The following ATM variants were observed in gnomAD, a reference collection of about 807,000 sequenced individuals.
ATM encodes the protein ATM serine/threonine kinase.
In ATM, 308 loss-of-function variants were observed where a neutral mutation model predicts 387.0. The observed-to-expected ratio is 0.80, with a 90% CI of 0.73 to 0.87. ATM has a LOEUF of 0.87. Ranked by LOEUF, ATM falls within the 40% of genes least tolerant of loss-of-function variation. The pLI is 0.00. For missense variants in ATM, 3,312 were observed against 3,560.9 expected (o/e 0.93, Z 1.78); for synonymous variants, 1,156 against 1,187.3 (o/e 0.97, Z 0.54).
rs1170960696 is a variant in ATM, at chr11:108,308,003, C to T, written c.5762+19C>T. 16 of 1,588,004 alleles carry T rather than the reference C, an allele frequency of 1.0e-5. No individual in the cohort carries two copies. Among genetic ancestry groups the T allele is most frequent in the Non-Finnish European group, 1.4e-5 (16 of 1,156,852 alleles). On this transcript the variant is annotated intron_variant, in intron 38 of 62. Coordinates refer to ENST00000675843, the MANE Select transcript of ATM (RefSeq NM_000051.4). Reference sequence around the variant, plus strand: ...AAAAGAGGTAATGTAATGAGTGTTGCTTCTTACGTTTAGGATCTAGAGTGT... The same window carrying T: ...AAAAGAGGTAATGTAATGAGTGTTGTTTCTTACGTTTAGGATCTAGAGTGT...
chr11:108,282,160 C>T (rs2082268014), intron 24 of ATM, among the ~76,000 whole-genome samples: 1 of 151,432 alleles, frequency 6.6e-6, no homozygotes, highest in Admixed American at 6.6e-5. Context: ...CGGAGTCTCG[C>T]TCTGTCGCCC....
chr11:108,334,074 C>T, intron 54 of ATM, 106 bp downstream of exon 54: 2 of 845,798 alleles, frequency 2.4e-6, no homozygotes, highest in Non-Finnish European at 3.9e-6. Flanking sequence ...TAAATATTGG[C>T]AAATTTCATA....
chr11:108,233,024 A>T (rs2079096667), intron 4 of ATM, among the ~76,000 whole-genome samples: 2 of 151,924 alleles, frequency 1.3e-5, no homozygotes, highest in African/African-American at 4.8e-5. Context: ...CACCATGCCC[A>T]GCTAATTTTG....
chr11:108,294,201 A>T (rs2082994642), intron 31 of ATM, among the ~76,000 whole-genome samples: 1 of 152,100 alleles, frequency 6.6e-6, no homozygotes, highest in Non-Finnish European at 1.5e-5. Context: ...TTAACTTTTG[A>T]AAGCATATTT....
Position 108,345,804 on chromosome 11 carries a change from T to G in ATM, c.8480T>G (p.Phe2827Cys), listed in dbSNP as rs121434216. The G allele has an allele frequency of 1.2e-6, 2 of 1,613,914 alleles. No individual in the cohort carries two copies. Among genetic ancestry groups the G allele is most frequent in the South Asian group, 2.2e-5 (2 of 91,072 alleles). The change falls in exon 58 of 63, where the codon TTT becomes TGT. Residue 2827 changes from phenylalanine (F) to cysteine (C), a missense_variant. By Grantham distance (205) the Phe-to-Cys change is radical (BLOSUM62 -2). Around this residue, in one of 4 missense-constraint regions of ATM, gnomAD observed 1,405 missense variants for 1,604.4 expected, o/e 0.88. Coordinates refer to ENST00000675843, the MANE Select transcript of ATM (RefSeq NM_000051.4). ...GTCTTCATGGATGTTTGCCAAAATT[T>G]TCAACCAGTTTTCCGTTACTTCTGC... ...YEVFMDVCQN[F>C]QPVFRYFCME...
chr11:108,306,348 G>T (rs1157780327), intron 37 of ATM, among the ~76,000 whole-genome samples: 1 of 151,982 alleles, frequency 6.6e-6, no homozygotes, highest in East Asian at 1.9e-4. Flanking sequence ...TCTCATAGAG[G>T]CTTTGTAAAC....
Position 108,258,891 on chromosome 11 carries a change from A to G in ATM, c.2377-95A>G, listed in dbSNP as rs945809461. 5 of 971,128 alleles carry G rather than the reference A, an allele frequency of 5.1e-6. No individual in the cohort carries two copies. In the African/African-American group the frequency reaches 8.1e-5, roughly 16 times the overall value. The allele number at this position is 971,128 out of a possible 1,614,324, so 60.2% of individuals were successfully genotyped here. A position where few individuals can be genotyped will look rare whatever the true frequency, so the allele number is the denominator to read the frequency against. On this transcript the variant is annotated intron_variant, in intron 15 of 62. Transcript: ENST00000675843. ...TATTGGCCCTAATAGTAAACTATTT[A>G]TCTACATTCCATTCAAGATAGAGAA...
At position 108,267,200 on chromosome 11, in the gene ATM, TGGA is replaced by T; in HGVS notation, c.2498_2500del (p.Gly833del). 1 of 1,614,148 alleles carries T rather than the reference TGGA, an allele frequency of 6.2e-7. No individual in the cohort carries two copies. Among genetic ancestry groups the T allele is most frequent in the Non-Finnish European group, 8.5e-7 (1 of 1,180,010 alleles). ...CCTTCATCAAAAAGCCATTTGACCG[TGGA>T]GAAGTAGAATCAATGGAAGATGATA... On this transcript the variant is annotated inframe_deletion, in exon 17 of 63. Transcript: ENST00000675843.
At chr11:108,228,174 T>G (rs1001747620) in intron 3 of ATM, among the ~76,000 whole-genome samples, 1 of 152,144 alleles carries the variant, frequency 6.6e-6, no homozygotes, top group African/African-American at 2.4e-5. Flanking sequence ...TCACAAGACT[T>G]CAGATTAGAG....
intron 26 of ATM, 119 bp downstream of exon 26, chr11:108,284,592 A>G: frequency 7.2e-7 from 1 of 1,397,000 alleles, no homozygotes; most frequent in Non-Finnish European, 9.9e-7. Context: ...AGCTTGTGGT[A>G]ATCATTATCT....
At chr11:108,286,948 T>C (rs181798689) in intron 26 of ATM, among the ~76,000 whole-genome samples, 2 of 152,338 alleles carry the variant, frequency 1.3e-5, no homozygotes, top group East Asian at 1.9e-4. Flanking sequence ...AAGTGCAACA[T>C]AGCAGACTTA....
At chr11:108,335,789 G>C in intron 55 of ATM, 56 bp from the exon 56 acceptor site, 1 of 1,417,870 alleles carries the variant, frequency 7.1e-7, no homozygotes, top group Non-Finnish European at 9.9e-7. Flanking sequence ...AGATGACTCT[G>C]TGTTTTTATA....
chr11:108,316,989 A>T (rs908396177), intron 42 of ATM, among the ~76,000 whole-genome samples: 1 of 151,454 alleles, frequency 6.6e-6, no homozygotes, highest in Non-Finnish European at 1.5e-5. Context: ...GCTGGAGTGC[A>T]TTAGCGTGAT....
At chr11:108,280,950 A>C in intron 23 of ATM, 45 bp from the exon 24 acceptor site, 1 of 1,536,490 alleles carries the variant, frequency 6.5e-7, no homozygotes, top group African/African-American at 1.4e-5. Context: ...TGATTGTTAA[A>C]CATTTACATT....
chr11:108,346,017 G>T, intron 58 of ATM, 109 bp downstream of exon 58: 1 of 1,314,048 alleles, frequency 7.6e-7, no homozygotes. Context: ...GGATGATAGT[G>T]ATGATGTGGT....
intron 39 of ATM, among the ~76,000 whole-genome samples, chr11:108,310,743 T>C (rs2084083821): frequency 6.6e-6 from 1 of 152,184 alleles, no homozygotes; most frequent in Non-Finnish European, 1.5e-5. Context: ...AAAATTATAA[T>C]CCAAAATGGC....
In ATM at chr11:108,250,998, A is replaced by G. The variant is rs2080115604; in HGVS notation, c.1533A>G (p.Ile511Met). ...QAENFGLLGA[I>M]IQGSLVEVDR... ...AAAACTTTGGCTTACTTGGAGCCAT[A>G]ATTCAGGGTAGTTTAGTTGAGGTTG... Residue 511 changes from isoleucine to methionine, a missense_variant, in exon 10 of 63, where the codon ATA (isoleucine) becomes ATG (methionine). Physicochemically the swap from Ile to Met is conservative, Grantham distance 10. This residue lies in a region of ATM where 1,791 missense variants were observed against 1,804.5 expected (regional missense o/e 0.99). Coordinates refer to ENST00000675843, the MANE Select transcript of ATM (RefSeq NM_000051.4). 6.2e-7 allele frequency: 1 copy of G among 1,614,136 alleles called. No homozygotes were observed. Among genetic ancestry groups the G allele is most frequent in the South Asian group, 1.1e-5 (1 of 91,086 alleles).
Position 108,343,260 on chromosome 11 carries a change from G to A in ATM, c.8307G>A (p.Trp2769Ter), listed in dbSNP as rs778269655. ...PLSQRSGVLEWCTGTVPIGEF... is the reference protein window; with the variant it reads ...PLSQRSGVLE ...CTCAGCGAAGTGGTGTTCTTGAATG[G>A]TGCACAGGAACTGTCCCCATTGGTG... Residue 2769 changes from tryptophan (W) to a stop codon, truncating the protein, a stop_gained, in exon 57 of 63, where the codon TGG (tryptophan) becomes TGA (stop). Coordinates refer to ENST00000675843, the MANE Select transcript of ATM (RefSeq NM_000051.4). LOFTEE classifies it high-confidence loss of function. The A allele has an allele frequency of 1.6e-5, 26 of 1,613,842 alleles. No homozygotes were observed. Among genetic ancestry groups the A allele is most frequent in the Non-Finnish European group, 2.2e-5 (26 of 1,179,924 alleles).
chr11:108,254,311 C>T (rs749301301), intron 13 of ATM, among the ~76,000 whole-genome samples: 2 of 151,774 alleles, frequency 1.3e-5, no homozygotes, highest in Non-Finnish European at 2.9e-5. Flanking sequence ...AGAGTTTGAG[C>T]ATAGGGATTA....
Sources: allele counts gnomAD v4.1 joint callset (sites outside exome capture counted in the v4.1 genomes callset), GRCh38; gene constraint gnomAD v4.1.1; regional missense constraint gnomAD v4.1.1; transcripts MANE v1.5; gene names NCBI Gene and HGNC (gene_info 2026-07-23, HGNC 2026-07-21).